The following ANKRD12 variants were observed in gnomAD, a reference collection of about 807,000 sequenced individuals.
The protein encoded by ANKRD12 is ankyrin repeat domain 12.
In ANKRD12, 85 loss-of-function variants were observed where a neutral mutation model predicts 183.4. The observed-to-expected ratio is 0.46, with a 90% CI of 0.39 to 0.56. The LOEUF (loss-of-function observed/expected upper bound fraction) is 0.56, where lower values mean the gene tolerates loss of function less well. ANKRD12 is among the 20% of genes least tolerant of loss of function. The probability of loss-of-function intolerance (pLI) is 0.00; values close to 1 mark genes in which losing one functional copy is unlikely to be tolerated. For missense variants in ANKRD12, 2,405 were observed against 2,357.1 expected, an observed-to-expected ratio of 1.02 and a Z score of -0.42; for synonymous variants, 914 against 800.2, an observed-to-expected ratio of 1.14 and a Z score of -2.40.
chr18:9,193,326 A>G (rs931215136), intron 2 of ANKRD12, among the ~76,000 whole-genome samples: 4 of 151,794 alleles, frequency 2.6e-5, no homozygotes, highest in East Asian at 1.9e-4. Flanking sequence ...TTTTTACAGA[A>G]ACAAGGTCAG....
At chr18:9,249,637 A>T (rs189331645) in intron 8 of ANKRD12, 9 of 152,154 alleles carry the variant, frequency 5.9e-5, no homozygotes, top group African/African-American at 1.4e-4. Context: ...CTTCCTATAT[A>T]TACATTTTTT....
At chr18:9,272,128 G>A (rs1206797354) in intron 10 of ANKRD12, among the ~76,000 whole-genome samples, 1 of 152,224 alleles carries the variant, frequency 6.6e-6, no homozygotes, top group Non-Finnish European at 1.5e-5. Flanking sequence ...GACACTGTTT[G>A]AGAGGCTCTG....
At chr18:9,274,703 A>G (rs2039751540) in intron 10 of ANKRD12, among the ~76,000 whole-genome samples, 1 of 152,122 alleles carries the variant, frequency 6.6e-6, no homozygotes. Flanking sequence ...AAATAGAGAA[A>G]CTGGTAGTTT....
intron 2 of ANKRD12, among the ~76,000 whole-genome samples, chr18:9,191,152 T>C (rs567016462): frequency 1.3e-5 from 2 of 152,340 alleles, no homozygotes; most frequent in South Asian, 2.1e-4. Flanking sequence ...TTGCCAGTTA[T>C]TGGGAAAATA....
chr18:9,144,597 C>T (rs2078430631), intron 1 of ANKRD12, among the ~76,000 whole-genome samples: 1 of 152,164 alleles, frequency 6.6e-6, no homozygotes, highest in Non-Finnish European at 1.5e-5. Context: ...TGCTAATAGA[C>T]TGGCAGAGGT....
At chr18:9,150,962 A>G (rs1231120785) in intron 1 of ANKRD12, among the ~76,000 whole-genome samples, 1 of 99,490 alleles carries the variant, frequency 1.0e-5, no homozygotes, top group Non-Finnish European at 2.4e-5. Context: ...CAATTTTGTG[A>G]TTAAAAAAAA....
In ANKRD12 at chr18:9,254,365, T is replaced by C; in HGVS notation, c.1098T>C (p.Asp366=). 6.2e-7 allele frequency: 1 copy of C among 1,610,982 alleles called. No homozygotes were observed. Among genetic ancestry groups the C allele is most frequent in the South Asian group, 1.1e-5 (1 of 90,150 alleles). The change falls in exon 9 of 13, where the codon GAT becomes GAC. Residue 366 remains aspartate (D), a synonymous_variant. Transcript: ENST00000262126. ...TTGATGAGTATGAGTTCAAAGATGATGATGATGAAGAAATTAATAAGATGA... is the reference window on the plus strand; with the variant it reads ...TTGATGAGTATGAGTTCAAAGATGACGATGATGAAGAAATTAATAAGATGA... ...SALDEYEFKD[D]DDEEINKMID...
chr18:9,183,117 G>T (rs1465910784), intron 2 of ANKRD12, among the ~76,000 whole-genome samples: 1 of 152,146 alleles, frequency 6.6e-6, no homozygotes, highest in African/African-American at 2.4e-5. Context: ...CCCATTTGTA[G>T]TCAGTCTCCA....
intron 1 of ANKRD12, among the ~76,000 whole-genome samples, chr18:9,180,290 T>C (rs534868236): frequency 6.6e-6 from 1 of 152,328 alleles, no homozygotes; most frequent in South Asian, 2.1e-4. Context: ...TTCTAAGCAC[T>C]TGGAAACTCA....
At chr18:9,165,896 G>T (rs1000778686) in intron 1 of ANKRD12, among the ~76,000 whole-genome samples, 1 of 134,516 alleles carries the variant, frequency 7.4e-6, no homozygotes, top group Non-Finnish European at 1.5e-5. Flanking sequence ...ACAGTCCCTG[G>T]TGTGTGATGT....
At chr18:9,174,980 A>C (rs2033129528) in intron 1 of ANKRD12, among the ~76,000 whole-genome samples, 1 of 151,986 alleles carries the variant, frequency 6.6e-6, no homozygotes, top group South Asian at 2.1e-4. Flanking sequence ...CCTGAGACAG[A>C]GTCTTGCTTT....
intron 6 of ANKRD12, among the ~76,000 whole-genome samples, chr18:9,212,530 G>A (rs1046331895): frequency 4.0e-5 from 6 of 150,790 alleles, no homozygotes; most frequent in Non-Finnish European, 3.0e-5. Flanking sequence ...TTTAATAGCT[G>A]CATAATATTT....
chr18:9,152,262 A>G (rs190284065), intron 1 of ANKRD12, among the ~76,000 whole-genome samples: 111 of 152,318 alleles, frequency 7.3e-4, no homozygotes, highest in South Asian at 1.4e-3. Context: ...GTCATAACAG[A>G]GAACAGAAGT....
chr18:9,154,151 G>A (rs1448972239), intron 1 of ANKRD12, among the ~76,000 whole-genome samples: 2 of 152,154 alleles, frequency 1.3e-5, no homozygotes, highest in Admixed American at 6.5e-5. Context: ...TGGGCACAGT[G>A]ATTCAAGCCT....
chr18:9,211,605 CACAA>C lies in ANKRD12; in HGVS notation c.478_481del (p.Thr160ArgfsTer38). ...ACAGATTCCACACCAAATCATCCATCACAAACAACGCCTGCCCAAAAGAAAACTC... is the reference window on the plus strand; with the variant it reads ...ACAGATTCCACACCAAATCATCCATCACAACGCCTGCCCAAAAGAAAACTC... On this transcript the variant is annotated frameshift_variant, in exon 6 of 13. Coordinates refer to ENST00000262126, the MANE Select transcript of ANKRD12 (RefSeq NM_015208.5). LOFTEE classifies it high-confidence loss of function. 6.2e-7 allele frequency: 1 copy of C among 1,613,830 alleles called. No homozygotes were observed.
At chr18:9,262,787 C>CTT (rs71168048) in intron 9 of ANKRD12, among the ~76,000 whole-genome samples, 1,951 of 83,648 alleles carry the variant, frequency 0.023, 444 homozygotes, top group African/African-American at 0.041. Flanking sequence ...CAAGATGTCC[C>CTT]TTTTTTTTTT....
At chr18:9,159,000 A>G (rs2031012311) in intron 1 of ANKRD12, among the ~76,000 whole-genome samples, 1 of 152,164 alleles carries the variant, frequency 6.6e-6, no homozygotes, top group Admixed American at 6.5e-5. Context: ...TTGCACCTGT[A>G]TGCCTTTGAC....
At chr18:9,263,405 T>C (rs2039098758) in intron 9 of ANKRD12, among the ~76,000 whole-genome samples, 3 of 152,138 alleles carry the variant, frequency 2.0e-5, no homozygotes, top group Non-Finnish European at 4.4e-5. Context: ...CCTCACTATA[T>C]AGATACCAAT....
intron 1 of ANKRD12, among the ~76,000 whole-genome samples, chr18:9,142,752 C>T (rs1326759520): frequency 1.3e-5 from 2 of 151,936 alleles, no homozygotes; most frequent in African/African-American, 2.4e-5. Context: ...GGCGTGGTGG[C>T]GCACCCCTGT....
Sources: allele counts gnomAD v4.1 joint callset (sites outside exome capture counted in the v4.1 genomes callset), GRCh38; gene constraint gnomAD v4.1.1; transcripts MANE v1.5; gene names NCBI Gene and HGNC (gene_info 2026-07-23, HGNC 2026-07-21).